Variants in TTC21B observed in about 807,000 individuals in gnomAD.
TTC21B encodes the protein tetratricopeptide repeat protein 21B.
A neutral mutation model predicts 175.1 loss-of-function variants in TTC21B; 127 were observed. The ratio of observed to expected loss-of-function variants is 0.73; its 90% CI spans 0.63 to 0.84. TTC21B has a LOEUF of 0.84. Ranked by LOEUF, TTC21B falls within the 40% of genes least tolerant of loss-of-function variation. The pLI, the probability that TTC21B is intolerant of heterozygous loss-of-function variation, is 0.00. For synonymous variants in TTC21B, 524 were observed against 524.5 expected (o/e 1.00, Z 0.01); for missense variants, 1,561 against 1,558.3 (o/e 1.00, Z -0.03).
At chr2:165,877,982 T>C (rs1463035441) in intron 27 of TTC21B, among the ~76,000 whole-genome samples, 2 of 152,212 alleles carry the variant, frequency 1.3e-5, no homozygotes, top group East Asian at 3.8e-4. Flanking sequence ...ATTTCAGTTT[T>C]GGTTTGTGGT....
chr2:165,924,522 G>A lies in TTC21B; in HGVS notation c.1516+27C>T, dbSNP rs750694899. 1.9e-6 allele frequency: 3 copies of A among 1,608,120 alleles called. No individual in the cohort carries two copies. The Admixed American group carries it at 5.0e-5, about 27-fold the overall frequency. ...TTTTTATCAACATCAGAATAAAAAGGTTAAAAGTTTTTAAGGTATACTCTA... is the reference window on the plus strand; with the variant it reads ...TTTTTATCAACATCAGAATAAAAAGATTAAAAGTTTTTAAGGTATACTCTA... On this transcript the variant is annotated intron_variant, in intron 12 of 28. Transcript: ENST00000243344.
intron 22 of TTC21B, among the ~76,000 whole-genome samples, chr2:165,897,423 G>A (rs1685407926): frequency 6.6e-6 from 1 of 152,166 alleles, no homozygotes; most frequent in African/African-American, 2.4e-5. Context: ...AGAGAAAGAT[G>A]AGACAAAGGT....
In TTC21B at chr2:165,901,924, G is replaced by C. The variant is rs376819748; in HGVS notation, c.2569-14C>G. ...TAATTCTCGAGCCTAGAAAAAATCA[G>C]TATAAAAGGGAATAAAAAAAAAAAA... On this transcript the variant is annotated splice_polypyrimidine_tract_variant and intron_variant, in intron 19 of 28. Transcript: ENST00000243344. 8 of 1,595,248 alleles carry C rather than the reference G, an allele frequency of 5.0e-6. No individual in the cohort carries two copies. Among genetic ancestry groups the C allele is most frequent in the Non-Finnish European group, 6.9e-6 (8 of 1,165,774 alleles).
At chr2:165,906,241 T>G (rs1685726445) in intron 19 of TTC21B, among the ~76,000 whole-genome samples, 1 of 107,140 alleles carries the variant, frequency 9.3e-6, no homozygotes, top group Non-Finnish European at 1.9e-5. Flanking sequence ...CCTAACATAC[T>G]ATTTCAAGAG....
chr2:165,874,575 A>G lies in TTC21B; in HGVS notation c.*180T>C. 1 of 604,360 alleles carries G rather than the reference A, an allele frequency of 1.7e-6. No individual in the cohort carries two copies. The highest frequency in any genetic ancestry group is 3.0e-6 in the Non-Finnish European group (1 of 333,964). The allele number at this position is 604,360 out of a possible 1,614,324, so 37.4% of individuals were successfully genotyped here. ...AATAGACCAGCTCTCATTCAACTCCATTAGGAAACACCAATTTCACATAGT... is the reference window on the plus strand; with the variant it reads ...AATAGACCAGCTCTCATTCAACTCCGTTAGGAAACACCAATTTCACATAGT... On this transcript the variant is annotated 3_prime_UTR_variant, in exon 29 of 29. Coordinates refer to ENST00000243344, the MANE Select transcript of TTC21B (RefSeq NM_024753.5).
intron 15 of TTC21B, among the ~76,000 whole-genome samples, 164 bp from the exon 16 acceptor site, chr2:165,913,810 C>T (rs1354245832): frequency 1.3e-5 from 2 of 152,182 alleles, no homozygotes; most frequent in Non-Finnish European, 2.9e-5. Flanking sequence ...TGCATACCCA[C>T]ACCCAAATTG....
intron 18 of TTC21B, among the ~76,000 whole-genome samples, chr2:165,910,441 C>T (rs1448375252): frequency 1.3e-5 from 2 of 151,756 alleles, no homozygotes; most frequent in Non-Finnish European, 2.9e-5. Flanking sequence ...TTTTTACAAA[C>T]TTGAAAGAAG....
chr2:165,905,842 G>T (rs1367322185), intron 19 of TTC21B, among the ~76,000 whole-genome samples: 1 of 152,118 alleles, frequency 6.6e-6, no homozygotes, highest in Non-Finnish European at 1.5e-5. Flanking sequence ...GTATTTATTA[G>T]GTTGGTGCAA....
At chr2:165,896,696 A>T (rs1685376882) in intron 22 of TTC21B, among the ~76,000 whole-genome samples, 1 of 152,176 alleles carries the variant, frequency 6.6e-6, no homozygotes, top group African/African-American at 2.4e-5. Flanking sequence ...TATTCCGGGA[A>T]GTAGAAACAG....
intron 1 of TTC21B, among the ~76,000 whole-genome samples, 174 bp downstream of exon 1, chr2:165,953,511 A>C (rs1360317275): frequency 1.3e-5 from 2 of 152,152 alleles, no homozygotes; most frequent in Non-Finnish European, 2.9e-5. Flanking sequence ...GCCCGCGGAG[A>C]CCGGCCGTGA....
rs552700034 is a variant in TTC21B, at chr2:165,941,608, G to A, written c.553-424C>T. On this transcript the variant is annotated intron_variant, in intron 5 of 28. Coordinates refer to ENST00000243344, the MANE Select transcript of TTC21B (RefSeq NM_024753.5). ...AGGTTAAAGAATATATGATTTTAAA[G>A]AACAAGCAAAATACAGTTCAAACAA... Among the ~76,000 whole-genome samples the A allele has an allele frequency of 2.0e-5, 3 of 151,928 alleles. No individual in the cohort carries two copies. In the East Asian group the frequency reaches 5.8e-4, roughly 29 times the overall value.
Position 165,890,556 on chromosome 2 carries a change from A to G in TTC21B, c.3186T>C (p.Asn1062=). 3 of 1,613,734 alleles carry G rather than the reference A, an allele frequency of 1.9e-6. No individual in the cohort carries two copies. The highest frequency in any genetic ancestry group is 3.3e-4 in the Middle Eastern group (2 of 6,056). Residue 1062 remains asparagine (N), a synonymous_variant, in exon 24 of 29, where the codon AAT becomes AAC. Transcript: ENST00000243344. ...CTGGATTCAAACAGATCTCTATCAT[A>G]TTATAAAGGGCATTTTGGCCCCAGT... The part of the protein sequence containing the change: ...DRDWGQNALY[N]MIEICLNPDN...
chr2:165,920,818 A>AAATATTTT (rs1686375485), intron 12 of TTC21B, among the ~76,000 whole-genome samples: 1 of 73,648 alleles, frequency 1.4e-5, no homozygotes, highest in Non-Finnish European at 3.3e-5. Context: ...TTTAAAAATG[A>AAATATTTT]GAAGTGGGTC....
At chr2:165,933,934 T>A (rs1324731142) in intron 6 of TTC21B, 1 of 152,154 alleles carries the variant, frequency 6.6e-6, no homozygotes, top group Non-Finnish European at 1.5e-5. Flanking sequence ...CTACTTGTTG[T>A]GAGTCTGGGG....
At chr2:165,919,584 T>C in intron 12 of TTC21B, 151 bp from the exon 13 acceptor site, 2 of 801,006 alleles carry the variant, frequency 2.5e-6, no homozygotes, top group Non-Finnish European at 4.1e-6. Context: ...TAATTCCATC[T>C]GCACTAGTTA....
At position 165,915,226 on chromosome 2, in the gene TTC21B, T is replaced by C; in HGVS notation, c.2113A>G (p.Lys705Glu). Residue 705 changes from lysine (K) to glutamate (E), a missense_variant, in exon 15 of 29, where the codon AAA becomes GAA. By Grantham distance (56) the Lys-to-Glu change is moderately conservative. Coordinates refer to ENST00000243344, the MANE Select transcript of TTC21B (RefSeq NM_024753.5). Reference sequence around the variant, plus strand: ...CTAAAACAAGTGATATATAACATTTTATCTTTTCTGTGCTTCAGATAAATA... The same window carrying C: ...CTAAAACAAGTGATATATAACATTTCATCTTTTCTGTGCTTCAGATAAATA... ...ADIYLKHRKD[K>E]MLYITCFREI... 1 of 1,613,872 alleles carries C rather than the reference T, an allele frequency of 6.2e-7. No individual in the cohort carries two copies. Among genetic ancestry groups the C allele is most frequent in the Non-Finnish European group, 8.5e-7 (1 of 1,179,718 alleles).
chr2:165,919,699 G>T (rs1686316460), intron 12 of TTC21B, among the ~76,000 whole-genome samples: 1 of 152,134 alleles, frequency 6.6e-6, no homozygotes, highest in Non-Finnish European at 1.5e-5. Flanking sequence ...CCAAGCACTG[G>T]TGTTACTGAG....
chr2:165,907,545 A>T (rs919578545), intron 19 of TTC21B, 133 bp downstream of exon 19: 2 of 681,540 alleles, frequency 2.9e-6, no homozygotes, highest in African/African-American at 3.5e-5. Flanking sequence ...TAAGCATTCA[A>T]TAAGTATTTT....
intron 22 of TTC21B, among the ~76,000 whole-genome samples, chr2:165,893,747 T>TTGA (rs1205934505): frequency 6.6e-6 from 1 of 151,750 alleles, no homozygotes. Flanking sequence ...CACATAGGAG[T>TTGA]TGACCTTTGA....
Sources: gnomAD v4.1 joint callset for allele counts (sites outside exome capture counted in the v4.1 genomes callset) on GRCh38, gnomAD v4.1.1 for gene constraint, MANE v1.5 for transcripts, NCBI Gene and HGNC (gene_info 2026-07-23, HGNC 2026-07-21) for gene names.